Variants in SLC35B2 observed in about 807,000 individuals in gnomAD.
SLC35B2 encodes the protein adenosine 3'-phospho 5'-phosphosulfate transporter 1.
Under a neutral mutation model 37.9 loss-of-function variants are expected in SLC35B2, and 19 were observed. That is an observed-to-expected ratio of 0.50 (90% CI 0.35 to 0.74). SLC35B2 has a LOEUF of 0.74. Among genes scored for constraint, SLC35B2 ranks in the 30% least tolerant of loss-of-function variants. SLC35B2 has a pLI of 0.01. For synonymous variants in SLC35B2, 277 were observed against 225.2 expected (o/e 1.23, Z -2.06); for missense variants, 633 against 547.6 (o/e 1.16, Z -1.56).
At position 44,255,607 on chromosome 6, in the gene SLC35B2, ACT is replaced by A. The variant is rs1781340559; in HGVS notation, c.396_397del (p.Arg132SerfsTer15). 2 of 1,613,890 alleles carry A rather than the reference ACT, an allele frequency of 1.2e-6. No homozygotes were observed. Among genetic ancestry groups the A allele is most frequent in the East Asian group, 2.2e-5 (1 of 44,880 alleles). On this transcript the variant is annotated frameshift_variant, in exon 4 of 4. Transcript: ENST00000393812. LOFTEE classifies it high-confidence loss of function. ...TGTGGCCCCATAGCTGCGGGTCATCACTCTTTCCTGCAGCACACCCCAAGTCA... is the reference window on the plus strand; with the variant it reads ...TGTGGCCCCATAGCTGCGGGTCATCACTTTCCTGCAGCACACCCCAAGTCA...
At chr6:44,255,734 T>A in intron 3 of SLC35B2, 90 bp from the exon 4 acceptor site, 3 of 1,251,634 alleles carry the variant, frequency 2.4e-6, no homozygotes, top group Non-Finnish European at 3.3e-6. Flanking sequence ...GGATTATGCC[T>A]AAGTGATTCA....
intron 1 of SLC35B2, 166 bp downstream of exon 1, chr6:44,257,234 A>G (rs2153329187): frequency 4.0e-6 from 3 of 755,900 alleles, no homozygotes; most frequent in Non-Finnish European, 3.7e-6. Flanking sequence ...AAGCTCCCCA[A>G]GGAGCACAAA....
At chr6:44,257,017 C>CTT (rs1781599200) in intron 1 of SLC35B2, 139 bp from the exon 2 acceptor site, 2 of 873,122 alleles carry the variant, frequency 2.3e-6, no homozygotes, top group Non-Finnish European at 1.7e-6. Flanking sequence ...AAGAGCCTCT[C>CTT]TCTCTCTCTC....
chr6:44,255,029 C>T lies in SLC35B2; in HGVS notation c.976G>A (p.Glu326Lys). Residue 326 changes from glutamate (E) to lysine (K), a missense_variant, in exon 4 of 4, where the codon GAG becomes AAG. Transcript: ENST00000393812. ...TGTCGCCCCATGAAGCGGGTTCCCT[C>T]CAGTAGGGCCCCCTGTTCTAGCAGT... Reference protein sequence around the residue: ...GSLLEQGALLEGTRFMGRHSE... With the variant: ...GSLLEQGALLKGTRFMGRHSE... The T allele has an allele frequency of 6.2e-7, 1 of 1,614,170 alleles. No homozygotes were observed. The highest frequency in any genetic ancestry group is 1.6e-4 in the Middle Eastern group (1 of 6,062).
intron 1 of SLC35B2, 66 bp downstream of exon 1, chr6:44,257,334 T>A (rs572455445): frequency 1.5e-6 from 2 of 1,322,336 alleles, no homozygotes; most frequent in Non-Finnish European, 1.9e-6. Context: ...GCCCCCGTGC[T>A]GAGGCGCGGC....
chr6:44,255,785 T>C, intron 3 of SLC35B2, 141 bp from the exon 4 acceptor site: 1 of 796,828 alleles, frequency 1.3e-6, no homozygotes, highest in Non-Finnish European at 1.9e-6. Context: ...TAGAAGTTTC[T>C]TCTCCCCTCC....
Position 44,255,623 on chromosome 6 carries a change from C to T in SLC35B2, c.382G>A (p.Val128Met). 1 of 1,612,732 alleles carries T rather than the reference C, an allele frequency of 6.2e-7. No homozygotes were observed. Among genetic ancestry groups the T allele is most frequent in the Non-Finnish European group, 8.5e-7 (1 of 1,179,072 alleles). ...CGGGTCATCACTCTTTCCTGCAGCA[C>T]ACCCCAAGTCAGATAAGACACCTGT... ...GLQVSYLTWG[V>M]LQERVMTRSY... The change falls in exon 4 of 4, where the codon GTG (valine) becomes ATG (methionine). Residue 128 changes from valine to methionine, a missense_variant. By Grantham distance (21) the Val-to-Met change is conservative. Transcript: ENST00000393812.
chr6:44,255,477 C>T lies in SLC35B2; in HGVS notation c.528G>A (p.Gln176=). The T allele has an allele frequency of 6.2e-7, 1 of 1,614,244 alleles. No individual in the cohort carries two copies. The stretch of plus-strand genomic sequence containing the variant: ...GGTACATGGGTGCCCCATGCCGGGG[C>T]TGCTTGCAGAGAACACAGGAGAGGC... ...VAGLSCVLCK[Q]PRHGAPMYRY... Residue 176 remains glutamine (Q), a synonymous_variant, in exon 4 of 4, where the codon CAG becomes CAA. Coordinates refer to ENST00000393812, the MANE Select transcript of SLC35B2 (RefSeq NM_178148.4).
At position 44,255,073 on chromosome 6, in the gene SLC35B2, CAGG is replaced by C. The variant is rs1781250591; in HGVS notation, c.929_931del (p.Ser310del). 1.2e-6 allele frequency: 2 copies of C among 1,614,082 alleles called. No individual in the cohort carries two copies. The highest frequency in any genetic ancestry group is 2.2e-5 in the East Asian group (1 of 44,900). The stretch of plus-strand genomic sequence containing the variant: ...TAGCAGTGAGCCCACTGTGAAGAGG[CAGG>C]AGAAGAAATTGACCCCAAACATCAT... On this transcript the variant is annotated inframe_deletion, in exon 4 of 4. Coordinates refer to ENST00000393812, the MANE Select transcript of SLC35B2 (RefSeq NM_178148.4).
chr6:44,257,311 G>A, intron 1 of SLC35B2, 89 bp downstream of exon 1: 2 of 1,288,318 alleles, frequency 1.6e-6, no homozygotes, highest in Admixed American at 4.0e-5. Flanking sequence ...CCGAGCAGCC[G>A]GGACCCCACC....
In SLC35B2 at chr6:44,256,878, T is replaced by C; in HGVS notation, c.12A>G (p.Arg4=). 2 of 1,602,814 alleles carry C rather than the reference T, an allele frequency of 1.2e-6. No individual in the cohort carries two copies. Among genetic ancestry groups the C allele is most frequent in the South Asian group, 2.2e-5 (2 of 90,684 alleles). ...CAGCCAGCACCACCACTGCCCACCA[T>C]CTGTAAGGAAAGCGGACATAAGGAT... MDA[R]WWAVVVLAAF... is the part of the protein sequence containing the mutation. The change falls in exon 2 of 4, where the codon AGA becomes AGG. Residue 4 remains arginine, a splice_region_variant and synonymous_variant. Transcript: ENST00000393812.
chr6:44,256,643 C>T (rs763034894), intron 2 of SLC35B2, 42 bp downstream of exon 2: 2 of 1,612,832 alleles, frequency 1.2e-6, no homozygotes, highest in South Asian at 2.2e-5. Context: ...CAAATACCCT[C>T]TTTCCCGACC....
In SLC35B2 at chr6:44,255,332, G is replaced by C; in HGVS notation, c.673C>G (p.Leu225Val). ...CGCCGAGACACAAGCTTTCCCATCA[G>C]CATGACAGGGATCACCTTAGAGGCC... ...AKASKVIPVM[L>V]MGKLVSRRSY... The change falls in exon 4 of 4, where the codon CTG (leucine) becomes GTG (valine). Residue 225 changes from leucine (L) to valine (V), a missense_variant. By Grantham distance (32) the Leu-to-Val change is conservative. Coordinates refer to ENST00000393812, the MANE Select transcript of SLC35B2 (RefSeq NM_178148.4). 1 of 1,614,256 alleles carries C rather than the reference G, an allele frequency of 6.2e-7. No individual in the cohort carries two copies. The highest frequency in any genetic ancestry group is 1.1e-5 in the South Asian group (1 of 91,092).
In SLC35B2 at chr6:44,254,749, C is replaced by G; in HGVS notation, c.1256G>C (p.Gly419Ala). The part of the protein sequence containing the change: ...VYARGRLKQR[G>A]KKAVPVESPV... The stretch of plus-strand genomic sequence containing the variant: ...AGACTCAACAGGCACAGCCTTCTTT[C>G]CCCGTTGCTTTAGACGGCCCCGCGC... The change falls in exon 4 of 4, where the codon GGA (glycine) becomes GCA (alanine). Residue 419 changes from glycine (G) to alanine (A), a missense_variant. Transcript: ENST00000393812. 1 of 1,613,934 alleles carries G rather than the reference C, an allele frequency of 6.2e-7. No individual in the cohort carries two copies. The highest frequency in any genetic ancestry group is 1.3e-5 in the African/African-American group (1 of 75,030).
Position 44,255,208 on chromosome 6 carries a change from GC to G in SLC35B2, c.796del (p.Ala266ProfsTer37), listed in dbSNP as rs1561908366. 4 of 1,614,256 alleles carry G rather than the reference GC, an allele frequency of 2.5e-6. No individual in the cohort carries two copies. In the Admixed American group the frequency reaches 6.7e-5, roughly 27 times the overall value. ...SSGPEPRSSP[A>X]TTLSGLILLA... ...TAAGATGAGGCCTGAGAGTGTGGTG[GC>G]TGGGGAGCTGCGGGGCTCTGGTCCG... On this transcript the variant is annotated frameshift_variant, in exon 4 of 4. Coordinates refer to ENST00000393812, the MANE Select transcript of SLC35B2 (RefSeq NM_178148.4). LOFTEE classifies it high-confidence loss of function.
At position 44,255,220 on chromosome 6, in the gene SLC35B2, C is replaced by T. The variant is rs369957012; in HGVS notation, c.785G>A (p.Arg262His). ...MFLLSSGPEP[R>H]SSPATTLSGL... ...TGAGAGTGTGGTGGCTGGGGAGCTG[C>T]GGGGCTCTGGTCCGCTGGATAGCAG... Residue 262 changes from arginine to histidine, a missense_variant, in exon 4 of 4, where the codon CGC becomes CAC. Transcript: ENST00000393812. 7.1e-5 allele frequency: 115 copies of T among 1,614,076 alleles called. No homozygotes were observed. Among genetic ancestry groups the T allele is most frequent in the Admixed American group, 2.2e-4 (13 of 60,014 alleles).
chr6:44,257,358 G>A (rs889428720), intron 1 of SLC35B2, 42 bp downstream of exon 1: 4 of 1,320,984 alleles, frequency 3.0e-6, no homozygotes, highest in African/African-American at 1.5e-5. Flanking sequence ...CACGTGGCCC[G>A]GGGGCTCGGT....
At chr6:44,257,569 C>T (rs1583005800), upstream of SLC35B2, 3 of 623,586 alleles carry the variant, frequency 4.8e-6, no homozygotes, top group East Asian at 1.6e-4. Flanking sequence ...CCCCCTCCGC[C>T]CCTGCCGCGA....
chr6:44,255,610 C>T lies in SLC35B2; in HGVS notation c.395G>A (p.Arg132Lys). 1 of 1,614,036 alleles carries T rather than the reference C, an allele frequency of 6.2e-7. No homozygotes were observed. The highest frequency in any genetic ancestry group is 8.5e-7 in the Non-Finnish European group (1 of 1,179,970). The change falls in exon 4 of 4, where the codon AGA becomes AAA. Residue 132 changes from arginine (R) to lysine (K), a missense_variant. Physicochemically the swap from Arg to Lys is conservative, Grantham distance 26 (BLOSUM62 2). Coordinates refer to ENST00000393812, the MANE Select transcript of SLC35B2 (RefSeq NM_178148.4). ...GGCCCCATAGCTGCGGGTCATCACT[C>T]TTTCCTGCAGCACACCCCAAGTCAG... ...SYLTWGVLQE[R>K]VMTRSYGATA...
Sources: gnomAD v4.1 joint callset for allele counts on GRCh38, gnomAD v4.1.1 for gene constraint, MANE v1.5 for transcripts, NCBI Gene and HGNC (gene_info 2026-07-23, HGNC 2026-07-21) for gene names.